Variants in NRDE2 observed in about 807,000 individuals in gnomAD.
NRDE2 encodes the protein nuclear exosome regulator NRDE2.
NRDE2 carries 76 observed loss-of-function variants against 124.2 expected under a neutral mutation model. That is an observed-to-expected ratio of 0.61 (90% CI 0.51 to 0.74). The LOEUF (loss-of-function observed/expected upper bound fraction) is 0.74. Among genes scored for constraint, NRDE2 ranks in the 30% least tolerant of loss-of-function variants. The probability of loss-of-function intolerance (pLI) is 0.00; values close to 1 mark genes in which losing one functional copy is unlikely to be tolerated. For missense variants in NRDE2, 1,314 were observed against 1,417.3 expected (o/e 0.93, Z 1.17); for synonymous variants, 489 against 528.1 (o/e 0.93, Z 1.01).
chr14:90,320,690 G>C (rs896757336), intron 1 of NRDE2, among the ~76,000 whole-genome samples: 2 of 152,128 alleles, frequency 1.3e-5, no homozygotes, highest in Admixed American at 6.6e-5. Flanking sequence ...AGAAAGAAAG[G>C]CATATTAAAC....
chr14:90,302,178 G>A (rs974166187), intron 6 of NRDE2, among the ~76,000 whole-genome samples: 1 of 152,194 alleles, frequency 6.6e-6, no homozygotes, highest in African/African-American at 2.4e-5. Context: ...AAGAGAGCCA[G>A]TGAAGGGCAA....
In NRDE2 at chr14:90,275,112, G is replaced by A. The variant is rs1482643154; in HGVS notation, c.*3224C>T. The A allele has an allele frequency of 6.6e-6, 1 of 152,174 alleles. No individual in the cohort carries two copies. The highest frequency in any genetic ancestry group is 1.5e-5 in the Non-Finnish European group (1 of 68,058). The allele number at this position is 152,174 out of a possible 1,614,324, so 9.4% of individuals were successfully genotyped here. A position where few individuals can be genotyped will look rare whatever the true frequency, so the allele number is the denominator to read the frequency against. On this transcript the variant is annotated 3_prime_UTR_variant, in exon 14 of 14. Coordinates refer to ENST00000354366, the MANE Select transcript of NRDE2 (RefSeq NM_017970.4). ...GAAACACCAGGCAAACACAAACTGAGGAACATTCTACAAATTCAGAACACT... is the reference window on the plus strand; with the variant it reads ...GAAACACCAGGCAAACACAAACTGAAGAACATTCTACAAATTCAGAACACT...
intron 6 of NRDE2, among the ~76,000 whole-genome samples, chr14:90,301,960 G>A (rs1884418207): frequency 6.6e-6 from 1 of 152,144 alleles, no homozygotes; most frequent in African/African-American, 2.4e-5. Flanking sequence ...TATTTTGAGA[G>A]CAATGTATTT....
In NRDE2 at chr14:90,288,197, A is replaced by G; in HGVS notation, c.3158+20T>C. On this transcript the variant is annotated intron_variant, in intron 11 of 13. Coordinates refer to ENST00000354366, the MANE Select transcript of NRDE2 (RefSeq NM_017970.4). ...CCATAAACATTTGCGGGGCACACGA[A>G]CAGAACGGTCTGGAATTACCTCTGG... 1 of 1,601,948 alleles carries G rather than the reference A, an allele frequency of 6.2e-7. No individual in the cohort carries two copies. Among genetic ancestry groups the G allele is most frequent in the South Asian group, 1.1e-5 (1 of 89,130 alleles).
intron 9 of NRDE2, among the ~76,000 whole-genome samples, chr14:90,292,313 GA>G (rs1381872197): frequency 6.6e-6 from 1 of 152,198 alleles, no homozygotes; most frequent in Non-Finnish European, 1.5e-5. Flanking sequence ...TGGACACAAG[GA>G]AAGAATCTAG....
At chr14:90,291,826 G>A (rs368478970) in intron 9 of NRDE2, among the ~76,000 whole-genome samples, 8 of 151,460 alleles carry the variant, frequency 5.3e-5, no homozygotes, top group African/African-American at 1.7e-4. Flanking sequence ...CAGATGCTCC[G>A]TCATCAAACA....
At position 90,278,222 on chromosome 14, in the gene NRDE2, AAG is replaced by A; in HGVS notation, c.*112_*113del. On this transcript the variant is annotated 3_prime_UTR_variant, in exon 14 of 14. Transcript: ENST00000354366. The stretch of plus-strand genomic sequence containing the variant: ...GCAGCCCACATTATTACTATCGAGA[AAG>A]AACATTTCAAAAGCCGAGTTCTCCT... The A allele has an allele frequency of 7.7e-7, 1 of 1,291,042 alleles. No homozygotes were observed. The highest frequency in any genetic ancestry group is 1.1e-6 in the Non-Finnish European group (1 of 916,370). 80.0% of individuals were successfully genotyped at this position (1,291,042 alleles called of 1,614,324 possible). A position where few individuals can be genotyped will look rare whatever the true frequency, so the allele number is the denominator to read the frequency against.
Position 90,318,079 on chromosome 14 carries a change from A to G in NRDE2, c.99T>C (p.Val33=), listed in dbSNP as rs753575981. Residue 33 remains valine (V), a synonymous_variant, in exon 2 of 14, where the codon GTT becomes GTC. Transcript: ENST00000354366. ...LDWLSNPSFC[V]GSITSLSQQT... Reference sequence around the variant, plus strand: ...GTTGGCTCAGGGACGTTATGGATCCAACACAAAAGCTTGGGTTGCTCAGCC... The same window carrying G: ...GTTGGCTCAGGGACGTTATGGATCCGACACAAAAGCTTGGGTTGCTCAGCC... The G allele has an allele frequency of 2.5e-6, 4 of 1,614,068 alleles. No individual in the cohort carries two copies. The East Asian group carries it at 6.7e-5, about 27-fold the overall frequency.
intron 1 of NRDE2, among the ~76,000 whole-genome samples, chr14:90,325,682 C>T (rs543069902): frequency 5.9e-5 from 9 of 152,296 alleles, no homozygotes; most frequent in Non-Finnish European, 8.8e-5. Context: ...CACACTACCA[C>T]ACCTGGCTAG....
In NRDE2 at chr14:90,274,835, CACA is replaced by C. The variant is rs879456319; in HGVS notation, c.*3498_*3500del. ...ACACACACACACACACACACACACA[CACA>C]CCCCAATACATATGAATTGATCTGA... On this transcript the variant is annotated 3_prime_UTR_variant, in exon 14 of 14. Coordinates refer to ENST00000354366, the MANE Select transcript of NRDE2 (RefSeq NM_017970.4). The C allele has an allele frequency of 0.088, 6,477 of 73,854 alleles. 186 individuals are homozygous for C. The highest frequency in any genetic ancestry group is 0.17 in the Middle Eastern group (20 of 116). The allele number at this position is 73,854 out of a possible 1,614,324, so 4.6% of individuals were successfully genotyped here.
At chr14:90,318,483 A>G (rs2094653) in intron 1 of NRDE2, among the ~76,000 whole-genome samples, 25,406 of 152,162 alleles carry the variant, frequency 0.17, 2,446 homozygotes, top group Middle Eastern at 0.21. Context: ...CTCAAATTTG[A>G]TTCAGACAAT....
At chr14:90,278,570 C>G in intron 13 of NRDE2, 109 bp from the exon 14 acceptor site, 1 of 1,370,936 alleles carries the variant, frequency 7.3e-7, no homozygotes, top group South Asian at 1.3e-5. Flanking sequence ...TCCTGTCGCC[C>G]TCCACGGCCC....
Position 90,316,697 on chromosome 14 carries a change from C to G in NRDE2, c.288G>C (p.Lys96Asn). Residue 96 changes from lysine (K) to asparagine (N), a missense_variant, in exon 3 of 14, where the codon AAG becomes AAC. Transcript: ENST00000354366. The part of the protein sequence containing the change: ...KKKKRKHQHH[K>N]KTKRKHGPSS... ...ACGGCCCATGCTTCCTCTTTGTTTT[C>G]TTATGATGCTGATGCTTCCTTTTTT... The G allele has an allele frequency of 6.2e-7, 1 of 1,614,114 alleles. No individual in the cohort carries two copies.
chr14:90,317,779 C>T, intron 2 of NRDE2: 2 of 402,842 alleles, frequency 5.0e-6, no homozygotes, highest in East Asian at 7.7e-5. Flanking sequence ...CCATTTCCCT[C>T]TTGGCCTAAT....
intron 12 of NRDE2, chr14:90,280,074 TACCAAGG>T (rs1334513545): frequency 1.3e-5 from 2 of 152,320 alleles, no homozygotes; most frequent in African/African-American, 4.8e-5. Context: ...GAACTCCATC[TACCAAGG>T]ATGGCCTCAC....
At position 90,307,556 on chromosome 14, in the gene NRDE2, T is replaced by C. The variant is rs182164510; in HGVS notation, c.558-3174A>G. On this transcript the variant is annotated intron_variant, in intron 4 of 13. Coordinates refer to ENST00000354366, the MANE Select transcript of NRDE2 (RefSeq NM_017970.4). ...GCCTGGCCAACATGGTGAAACCCCA[T>C]CTCTACTAAAAATACAAAATTTAGC... Among the ~76,000 whole-genome samples the C allele has an allele frequency of 3.3e-3, 506 of 152,204 alleles. 3 individuals are homozygous for C. The highest frequency in any genetic ancestry group is 0.011 in the African/African-American group (477 of 41,518).
chr14:90,310,548 T>G (rs1884797438), intron 4 of NRDE2, among the ~76,000 whole-genome samples: 1 of 147,510 alleles, frequency 6.8e-6, no homozygotes. Context: ...TGAGACAGAG[T>G]CTTGCTCTGT....
chr14:90,292,479 T>G (rs1216967386), intron 9 of NRDE2, among the ~76,000 whole-genome samples: 3 of 152,176 alleles, frequency 2.0e-5, no homozygotes, highest in African/African-American at 7.2e-5. Flanking sequence ...CAAGCACCTA[T>G]ATGCTCCCCC....
At chr14:90,287,283 CTAA>C (rs1291939273) in intron 11 of NRDE2, among the ~76,000 whole-genome samples, 6 of 152,000 alleles carry the variant, frequency 3.9e-5, no homozygotes, top group African/African-American at 1.5e-4. Flanking sequence ...GATGCCTAAG[CTAA>C]TGTGTCCCCC....
Sources: allele counts gnomAD v4.1 joint callset (sites outside exome capture counted in the v4.1 genomes callset), GRCh38; gene constraint gnomAD v4.1.1; transcripts MANE v1.5; gene names NCBI Gene and HGNC (gene_info 2026-07-23, HGNC 2026-07-21).